Variants in CUL5 observed in about 807,000 individuals in gnomAD.
The protein encoded by CUL5 is cullin-5.
In CUL5, 26 loss-of-function variants were observed where a neutral mutation model predicts 108.8. The observed-to-expected ratio is 0.24, with a 90% CI of 0.18 to 0.33. The LOEUF (loss-of-function observed/expected upper bound fraction) is 0.33, where lower values mean the gene tolerates loss of function less well. Ranked by LOEUF, CUL5 falls within the 10% of genes least tolerant of loss-of-function variation. CUL5 has a pLI of 1.00. For synonymous variants in CUL5, 334 were observed against 298.0 expected, an observed-to-expected ratio of 1.12 and a Z score of -1.25; for missense variants, 524 against 909.2, an observed-to-expected ratio of 0.58 and a Z score of 5.45.
At chr11:108,061,777 A>G (rs1470680521) in intron 7 of CUL5, among the ~76,000 whole-genome samples, 1 of 152,172 alleles carries the variant, frequency 6.6e-6, no homozygotes, top group Non-Finnish European at 1.5e-5. Flanking sequence ...GAGACTGAGT[A>G]ATTTGTAAAG....
chr11:108,068,334 G>A (rs1407599675), intron 7 of CUL5, among the ~76,000 whole-genome samples: 1 of 151,582 alleles, frequency 6.6e-6, no homozygotes, highest in Non-Finnish European at 1.5e-5. Context: ...GTTTTGTTTT[G>A]TTTTGTGACA....
chr11:108,039,833 T>A (rs1200570638), intron 2 of CUL5, among the ~76,000 whole-genome samples: 1 of 152,232 alleles, frequency 6.6e-6, no homozygotes, highest in Non-Finnish European at 1.5e-5. Context: ...ATGGATCTGA[T>A]GTTATTGTTT....
At chr11:108,029,922 T>C (rs1019296907) in intron 1 of CUL5, among the ~76,000 whole-genome samples, 1 of 152,192 alleles carries the variant, frequency 6.6e-6, no homozygotes, top group African/African-American at 2.4e-5. Context: ...ATTTTATAAA[T>C]TAGCAAAAGT....
chr11:108,095,453 A>G (rs1864467555), intron 15 of CUL5, 77 bp from the exon 16 acceptor site: 2 of 1,022,432 alleles, frequency 2.0e-6, no homozygotes, highest in Non-Finnish European at 2.8e-6. Flanking sequence ...CCTTTTTCAT[A>G]TATAAATTCA....
chr11:108,057,318 G>A (rs998858391), intron 7 of CUL5, among the ~76,000 whole-genome samples: 1 of 152,090 alleles, frequency 6.6e-6, no homozygotes, highest in Non-Finnish European at 1.5e-5. Flanking sequence ...ACGAGCCACG[G>A]CACTTGGCAG....
At chr11:108,022,075 C>T (rs1862340292) in intron 1 of CUL5, among the ~76,000 whole-genome samples, 1 of 138,552 alleles carries the variant, frequency 7.2e-6, no homozygotes, top group South Asian at 2.4e-4. Flanking sequence ...GAAATCCTAG[C>T]CTCAAGTGAT....
chr11:108,035,572 C>CT (rs1367859284), intron 2 of CUL5, among the ~76,000 whole-genome samples: 19 of 139,780 alleles, frequency 1.4e-4, no homozygotes, highest in African/African-American at 5.0e-4. Context: ...GACCCTGTCT[C>CT]TTAAAAAAAA....
intron 8 of CUL5, among the ~76,000 whole-genome samples, chr11:108,071,952 G>A (rs1404042484): frequency 6.6e-6 from 1 of 152,086 alleles, no homozygotes; most frequent in Non-Finnish European, 1.5e-5. Context: ...CAAGGCGAGA[G>A]GATTGTGTGA....
At chr11:108,088,811 G>C in intron 12 of CUL5, 152 bp downstream of exon 12, 1 of 532,400 alleles carries the variant, frequency 1.9e-6, no homozygotes, top group Non-Finnish European at 3.0e-6. Flanking sequence ...ACCTCTCGGG[G>C]GGTTATTTTT....
chr11:108,104,666 C>T lies in CUL5; in HGVS notation c.*282C>T, dbSNP rs771246799. ...TTTAAAAGTGAATTTGATTTGTACCCACCAGGAGAAATACAGTTGGGAAGG... is the reference window on the plus strand; with the variant it reads ...TTTAAAAGTGAATTTGATTTGTACCTACCAGGAGAAATACAGTTGGGAAGG... On this transcript the variant is annotated 3_prime_UTR_variant, in exon 19 of 19. Coordinates refer to ENST00000393094, the MANE Select transcript of CUL5 (RefSeq NM_003478.6). The T allele has an allele frequency of 5.4e-4, 120 of 222,660 alleles. No individual in the cohort carries two copies. Among genetic ancestry groups the T allele is most frequent in the Non-Finnish European group, 9.2e-4 (106 of 114,986 alleles). The allele number at this position is 222,660 out of a possible 1,614,324, so 13.8% of individuals were successfully genotyped here.
At chr11:108,027,090 T>C (rs1322579352) in intron 1 of CUL5, among the ~76,000 whole-genome samples, 1 of 152,100 alleles carries the variant, frequency 6.6e-6, no homozygotes, top group Non-Finnish European at 1.5e-5. Context: ...TGTGAAGGGT[T>C]GTCTGTACTC....
intron 1 of CUL5, among the ~76,000 whole-genome samples, chr11:108,023,637 TTTTCA>T (rs1174210833): frequency 4.6e-5 from 7 of 152,204 alleles, no homozygotes; most frequent in Admixed American, 4.6e-4. Context: ...GCTTGAGGAC[TTTTCA>T]TTTATGTGCC....
intron 2 of CUL5, among the ~76,000 whole-genome samples, chr11:108,034,466 A>C (rs553543420): frequency 1.3e-5 from 2 of 152,162 alleles, no homozygotes; most frequent in Non-Finnish European, 1.5e-5. Context: ...TGACCATTCA[A>C]GTTCTCAGAT....
chr11:108,093,303 T>C (rs745986939), intron 13 of CUL5, among the ~76,000 whole-genome samples: 5 of 152,232 alleles, frequency 3.3e-5, no homozygotes, highest in Non-Finnish European at 7.3e-5. Context: ...TTTTGGGCTG[T>C]CAGTGTCATG....
chr11:108,033,040 A>C (rs934609224), intron 1 of CUL5, among the ~76,000 whole-genome samples: 1 of 152,234 alleles, frequency 6.6e-6, no homozygotes, highest in African/African-American at 2.4e-5. Flanking sequence ...AGAAAGGCTC[A>C]TAGCATTTAG....
At chr11:108,042,524 CA>C (rs1427892355) in intron 2 of CUL5, among the ~76,000 whole-genome samples, 1 of 151,946 alleles carries the variant, frequency 6.6e-6, no homozygotes, top group African/African-American at 2.4e-5. Context: ...ACCTGGCCCA[CA>C]ATTCTATATA....
intron 10 of CUL5, among the ~76,000 whole-genome samples, chr11:108,077,641 AAAG>A (rs1282033492): frequency 1.3e-5 from 2 of 151,126 alleles, no homozygotes; most frequent in African/African-American, 2.4e-5. Context: ...AAAAAAAAAA[AAAG>A]AAAAAAAATC....
intron 8 of CUL5, among the ~76,000 whole-genome samples, chr11:108,070,757 G>C (rs1173026786): frequency 6.6e-6 from 1 of 151,192 alleles, no homozygotes; most frequent in East Asian, 1.9e-4. Flanking sequence ...TTTTGCTTTT[G>C]TTTTTTAAAT....
At chr11:108,035,087 G>C (rs1274332609) in intron 2 of CUL5, among the ~76,000 whole-genome samples, 1 of 152,110 alleles carries the variant, frequency 6.6e-6, no homozygotes, top group African/African-American at 2.4e-5. Flanking sequence ...CTAGAGTCAG[G>C]TTATTAAATC....
Sources: gnomAD v4.1 joint callset for allele counts (sites outside exome capture counted in the v4.1 genomes callset) on GRCh38, gnomAD v4.1.1 for gene constraint, MANE v1.5 for transcripts, NCBI Gene and HGNC (gene_info 2026-07-23, HGNC 2026-07-21) for gene names.